Variants in SLC9A1 observed in about 807,000 individuals in gnomAD.
SLC9A1 encodes the protein sodium/hydrogen exchanger 1.
A neutral mutation model predicts 67.9 loss-of-function variants in SLC9A1; 22 were observed. The observed-to-expected ratio is 0.32, with a 90% confidence interval of 0.23 to 0.46. The LOEUF (loss-of-function observed/expected upper bound fraction) is 0.46. Among genes scored for constraint, SLC9A1 ranks in the 20% least tolerant of loss-of-function variants. SLC9A1 has a pLI of 1.00. For synonymous variants in SLC9A1, 421 were observed against 471.8 expected (o/e 0.89, Z 1.40); for missense variants, 686 against 1,094.8 (o/e 0.63, Z 5.27).
chr1:27,119,612 A>T (rs551165221), intron 1 of SLC9A1, among the ~76,000 whole-genome samples: 1 of 152,172 alleles, frequency 6.6e-6, no homozygotes, highest in African/African-American at 2.4e-5. Context: ...TCTCCACCAT[A>T]GTTCTGGGAA....
chr1:27,107,556 C>T lies in SLC9A1; in HGVS notation c.1282+92G>A, dbSNP rs896596912. 2.0e-5 allele frequency: 19 copies of T among 959,014 alleles called. No homozygotes were observed. In the African/African-American group the frequency reaches 2.9e-4, roughly 15 times the overall value. The allele number at this position is 959,014 out of a possible 1,614,324, so 59.4% of individuals were successfully genotyped here. ...TAGCCTGGCCCTTCCACATAGTGCA[C>T]TGCACACACCACACACACAGCACCA... On this transcript the variant is annotated intron_variant, in intron 4 of 11. Coordinates refer to ENST00000263980, the MANE Select transcript of SLC9A1 (RefSeq NM_003047.5).
intron 1 of SLC9A1, among the ~76,000 whole-genome samples, chr1:27,120,187 G>T (rs992970539): frequency 6.6e-6 from 1 of 151,874 alleles, no homozygotes; most frequent in Non-Finnish European, 1.5e-5. Flanking sequence ...GTACAGTGGC[G>T]CGATTTCGGC....
At chr1:27,125,237 C>CTTTTTTTTTTTTTT (rs71010327) in intron 1 of SLC9A1, among the ~76,000 whole-genome samples, 5 of 86,868 alleles carry the variant, frequency 5.8e-5, no homozygotes, top group Admixed American at 1.9e-4. Flanking sequence ...CCTTTTCTTT[C>CTTTTTTTTTTTTTT]TTTTTTTTTT....
chr1:27,147,882 T>A (rs2083500047), intron 1 of SLC9A1, among the ~76,000 whole-genome samples: 1 of 151,708 alleles, frequency 6.6e-6, no homozygotes, highest in South Asian at 2.1e-4. Flanking sequence ...TAATCCCCAC[T>A]ACTCAGGAGG....
At position 27,101,604 on chromosome 1, in the gene SLC9A1, C is replaced by T. The variant is rs1393350928; in HGVS notation, c.2037+121G>A. The T allele has an allele frequency of 1.4e-6, 1 of 730,580 alleles. No homozygotes were observed. Among genetic ancestry groups the T allele is most frequent in the Non-Finnish European group, 2.4e-6 (1 of 423,966 alleles). 45.3% of individuals were successfully genotyped at this position (730,580 alleles called of 1,614,324 possible). On this transcript the variant is annotated intron_variant, in intron 10 of 11. Transcript: ENST00000263980. This position sits in a 1 kb window ranked among gnomAD's most constrained non-coding sequence, Gnocchi z 4.9. ...ACTCATGGCTCTCCATGCCCTTACA[C>T]TGCTAAAAGCCCCTCGAAAGCCAAA... is the stretch of plus-strand genomic sequence containing the variant.
intron 1 of SLC9A1, among the ~76,000 whole-genome samples, chr1:27,138,692 A>G (rs779593162): frequency 1.1e-4 from 16 of 152,078 alleles, no homozygotes; most frequent in Non-Finnish European, 2.1e-4. Flanking sequence ...GTATGGAGGA[A>G]CAGGCCTGGC....
rs1238493176 is a variant in SLC9A1 at position 27,154,167 on chromosome 1, C to A, written c.168G>T (p.Ser56=). The change falls in exon 1 of 12, where the codon TCG becomes TCT. Residue 56 remains serine, a synonymous_variant. Transcript: ENST00000263980. ...IRSSEPPRER[S]IGDVTTAPPE... Reference sequence around the variant, plus strand: ...GTGGAGCGGTGGTGACATCCCCAATCGAGCGTTCTCGTGGTGGCTCTGAGC... The same window carrying A: ...GTGGAGCGGTGGTGACATCCCCAATAGAGCGTTCTCGTGGTGGCTCTGAGC... 1.2e-6 allele frequency: 2 copies of A among 1,614,110 alleles called. No homozygotes were observed. The highest frequency in any genetic ancestry group is 1.1e-5 in the South Asian group (1 of 91,074).
chr1:27,100,913 C>T lies in SLC9A1; in HGVS notation c.2111-269G>A, dbSNP rs1464215743. ...TCCCTGAGTCAGTCTGCCCTGGGGC[C>T]CTGCCCTCACGTTCCCCACACGTGT... On this transcript the variant is annotated intron_variant, in intron 11 of 11. Transcript: ENST00000263980. This position sits in a 1 kb window ranked among gnomAD's most constrained non-coding sequence, Gnocchi z 5.6. 6.6e-6 allele frequency among the ~76,000 whole-genome samples: 1 copy of T among 152,218 alleles called. No homozygotes were observed. Among genetic ancestry groups the T allele is most frequent in the African/African-American group, 2.4e-5 (1 of 41,470 alleles).
chr1:27,123,296 C>T (rs1054707292), intron 1 of SLC9A1, among the ~76,000 whole-genome samples: 3 of 152,094 alleles, frequency 2.0e-5, no homozygotes, highest in Non-Finnish European at 4.4e-5. Context: ...TCCCCCACAA[C>T]CGAATTTCTG....
At chr1:27,138,653 AG>A (rs1244346880) in intron 1 of SLC9A1, among the ~76,000 whole-genome samples, 1 of 152,098 alleles carries the variant, frequency 6.6e-6, no homozygotes, top group Non-Finnish European at 1.5e-5. Flanking sequence ...GCAGTGCTCC[AG>A]GCTGGGGATC....
chr1:27,127,778 C>A (rs1336420721), intron 1 of SLC9A1, among the ~76,000 whole-genome samples: 1 of 152,210 alleles, frequency 6.6e-6, no homozygotes, highest in Non-Finnish European at 1.5e-5. Flanking sequence ...CTGCACAATA[C>A]CAGCAGGATG....
chr1:27,139,449 T>C (rs1438748518), intron 1 of SLC9A1, among the ~76,000 whole-genome samples: 3 of 152,206 alleles, frequency 2.0e-5, no homozygotes, highest in Non-Finnish European at 4.4e-5. Context: ...ACTCGCACCC[T>C]TCGGGGCCGT....
chr1:27,154,123 C>T lies in SLC9A1; in HGVS notation c.212G>A (p.Ser71Asn). 1 of 1,614,134 alleles carries T rather than the reference C, an allele frequency of 6.2e-7. No homozygotes were observed. Among genetic ancestry groups the T allele is most frequent in the Non-Finnish European group, 8.5e-7 (1 of 1,179,996 alleles). Residue 71 changes from serine (S) to asparagine (N), a missense_variant, in exon 1 of 12, where the codon AGC (serine) becomes AAC (asparagine). Physicochemically the swap from Ser to Asn is conservative, Grantham distance 46 (BLOSUM62 1). Coordinates refer to ENST00000263980, the MANE Select transcript of SLC9A1 (RefSeq NM_003047.5). ...AGTGACGGAATGATTAACAGGGCGGCTCTCTGGGGTGACCTCCGGTGGAGC... is the reference window on the plus strand; with the variant it reads ...AGTGACGGAATGATTAACAGGGCGGTTCTCTGGGGTGACCTCCGGTGGAGC... Reference protein sequence around the residue: ...TTAPPEVTPESRPVNHSVTDH... With the variant: ...TTAPPEVTPENRPVNHSVTDH...
chr1:27,109,538 T>C lies in SLC9A1; in HGVS notation c.1053A>G (p.Ser351=), dbSNP rs747398564. ...GCACGCAGACTCACGCCATGATGCC[T>C]GACAGGTGGAAGAGCTCGGCTGACA... is the stretch of plus-strand genomic sequence containing the variant. ...AYLSAELFHL[S]GIMALIASGV... The change falls in exon 3 of 12, where the codon TCA becomes TCG. Residue 351 remains serine (S), a synonymous_variant. Coordinates refer to ENST00000263980, the MANE Select transcript of SLC9A1 (RefSeq NM_003047.5). This position sits in a 1 kb window ranked among gnomAD's most constrained non-coding sequence, Gnocchi z 5.5. The C allele has an allele frequency of 5.6e-6, 9 of 1,609,476 alleles. No individual in the cohort carries two copies. Among genetic ancestry groups the C allele is most frequent in the Non-Finnish European group, 6.8e-6 (8 of 1,178,304 alleles).
In SLC9A1 at chr1:27,102,573, AGG is replaced by A. The variant is rs1384466033; in HGVS notation, c.1647-17_1647-16del. 1.9e-6 allele frequency: 3 copies of A among 1,608,908 alleles called. No homozygotes were observed. The East Asian group carries it at 6.7e-5, about 36-fold the overall frequency. On this transcript the variant is annotated splice_polypyrimidine_tract_variant and intron_variant, in intron 7 of 11. Coordinates refer to ENST00000263980, the MANE Select transcript of SLC9A1 (RefSeq NM_003047.5). ...ACCGGTTGAGCCTGGTGGGAGGAGG[AGG>A]GAGACGGATGGCGCCAGCTTCCAGG...
At position 27,099,692 on chromosome 1, in the gene SLC9A1, G is replaced by A. The variant is rs1239092560; in HGVS notation, c.*615C>T. Reference sequence around the variant, plus strand: ...TCGAAAAGCTCTGAGTCACGTCACTGTCACCGTAGAAACCACCCCTGCTCC... The same window carrying A: ...TCGAAAAGCTCTGAGTCACGTCACTATCACCGTAGAAACCACCCCTGCTCC... On this transcript the variant is annotated 3_prime_UTR_variant, in exon 12 of 12. Transcript: ENST00000263980. 2 of 152,546 alleles carry A rather than the reference G, an allele frequency of 1.3e-5. No homozygotes were observed. 9.4% of individuals were successfully genotyped at this position (152,546 alleles called of 1,614,324 possible).
intron 1 of SLC9A1, among the ~76,000 whole-genome samples, chr1:27,130,952 G>A (rs1481171934): frequency 6.6e-6 from 1 of 152,204 alleles, no homozygotes; most frequent in African/African-American, 2.4e-5. Context: ...CTACTTGTCT[G>A]CCAACCAGTT....
rs1043765942 is a variant in SLC9A1 at position 27,114,639 on chromosome 1, C to T, written c.353-353G>A. On this transcript the variant is annotated intron_variant, in intron 1 of 11. Coordinates refer to ENST00000263980, the MANE Select transcript of SLC9A1 (RefSeq NM_003047.5). The surrounding 1 kb of genome is among the most constrained non-coding windows in gnomAD (Gnocchi z 5.4). ...AATTGATTACTGACGTGCCAAGTACCTACGGGCATCACCTACGCCTGAACC... is the reference window on the plus strand; with the variant it reads ...AATTGATTACTGACGTGCCAAGTACTTACGGGCATCACCTACGCCTGAACC... 1.3e-5 allele frequency among the ~76,000 whole-genome samples: 2 copies of T among 152,178 alleles called. No individual in the cohort carries two copies. Among genetic ancestry groups the T allele is most frequent in the Non-Finnish European group, 2.9e-5 (2 of 68,036 alleles).
chr1:27,105,503 A>C, intron 5 of SLC9A1: 1 of 573,900 alleles, frequency 1.7e-6, no homozygotes, highest in East Asian at 3.0e-5. Context: ...TCACCATGTT[A>C]GTCAGGCTGG....
Sources: allele counts gnomAD v4.1 joint callset (sites outside exome capture counted in the v4.1 genomes callset), GRCh38; gene constraint gnomAD v4.1.1; non-coding constraint Gnocchi (gnomAD v3.1); transcripts MANE v1.5; gene names NCBI Gene and HGNC (gene_info 2026-07-23, HGNC 2026-07-21).